The following RBFOX1 variants were observed in gnomAD, a reference collection of about 807,000 sequenced individuals.
The protein encoded by RBFOX1 is RNA binding protein fox-1 homolog 1.
Under a neutral mutation model 57.7 loss-of-function variants are expected in RBFOX1, and 8 were observed. That is an observed-to-expected ratio of 0.14 (90% CI 0.08 to 0.25). The LOEUF is 0.25. Ranked by LOEUF, RBFOX1 falls within the 10% of genes least tolerant of loss-of-function variation. The probability of loss-of-function intolerance (pLI) is 1.00; values close to 1 mark genes in which losing one functional copy is unlikely to be tolerated. For synonymous variants in RBFOX1, 326 were observed against 222.4 expected, an observed-to-expected ratio of 1.47 and a Z score of -4.15; for missense variants, 611 against 548.5, an observed-to-expected ratio of 1.11 and a Z score of -1.14.
chr16:7,437,532 TA>T (rs2098732837), intron 4 of RBFOX1, among the ~76,000 whole-genome samples: 1 of 152,186 alleles, frequency 6.6e-6, no homozygotes, highest in Admixed American at 6.5e-5. Context: ...ACCATTTCCA[TA>T]ATCAACATGG....
chr16:6,295,821 C>T (rs76677352), intron 1 of RBFOX1, among the ~76,000 whole-genome samples: 3,890 of 152,164 alleles, frequency 0.026, 174 homozygotes, highest in African/African-American at 0.088. Context: ...CAGAGAGCGC[C>T]GGGAGCGATT....
intron 4 of RBFOX1, among the ~76,000 whole-genome samples, chr16:5,908,860 G>A (rs955969310): frequency 1.3e-5 from 2 of 151,922 alleles, no homozygotes; most frequent in Middle Eastern, 3.2e-3. Flanking sequence ...TCATGAGTGG[G>A]ATTAGTGTCC....
chr16:6,828,290 C>G (rs557949622), intron 3 of RBFOX1, among the ~76,000 whole-genome samples: 14 of 152,158 alleles, frequency 9.2e-5, no homozygotes, highest in Non-Finnish European at 1.5e-4. Flanking sequence ...CTTTGGGAGG[C>G]TGATGTGGGT....
chr16:7,320,600 C>A (rs991591406), intron 4 of RBFOX1, among the ~76,000 whole-genome samples: 8 of 152,200 alleles, frequency 5.3e-5, no homozygotes, highest in African/African-American at 1.9e-4. Flanking sequence ...CTACCCAAAT[C>A]AAACTTGCTT....
intron 2 of RBFOX1, among the ~76,000 whole-genome samples, chr16:5,471,396 G>A (rs1489769970): frequency 1.3e-5 from 2 of 152,138 alleles, no homozygotes; most frequent in African/African-American, 2.4e-5. Context: ...ACTGGGTTGA[G>A]GTAGGAATCT....
rs74642958 is a variant in RBFOX1 at position 6,541,592 on chromosome 16, A to C, written c.-63-113011A>C. 2.2e-4 allele frequency among the ~76,000 whole-genome samples: 34 copies of C among 152,332 alleles called. 1 individual carries two copies. The East Asian group carries it at 6.6e-3, about 29-fold the overall frequency. Reference sequence around the variant, plus strand: ...AATGGAAAGTCACTGTAGAGTTTTAAATAGAGGAGGGATAGGATATGACTT... The same window carrying C: ...AATGGAAAGTCACTGTAGAGTTTTACATAGAGGAGGGATAGGATATGACTT... On this transcript the variant is annotated intron_variant, in intron 2 of 15. Coordinates refer to ENST00000550418, the MANE Select transcript of RBFOX1 (RefSeq NM_018723.4).
chr16:5,917,892 C>G (rs1338693506), intron 4 of RBFOX1, among the ~76,000 whole-genome samples: 2 of 152,152 alleles, frequency 1.3e-5, no homozygotes, highest in Admixed American at 6.5e-5. Context: ...CCTCCCCTTT[C>G]TCTTCCCGCT....
intron 2 of RBFOX1, among the ~76,000 whole-genome samples, chr16:6,615,592 C>G (rs1282143214): frequency 1.3e-5 from 2 of 152,154 alleles, no homozygotes; most frequent in Non-Finnish European, 2.9e-5. Flanking sequence ...AATCCTCTGT[C>G]CCAATAAATA....
At chr16:6,593,138 G>T (rs1448009427) in intron 2 of RBFOX1, among the ~76,000 whole-genome samples, 1 of 152,180 alleles carries the variant, frequency 6.6e-6, no homozygotes, top group Non-Finnish European at 1.5e-5. Flanking sequence ...GTTGCAGTGG[G>T]CTGAGATGGC....
chr16:7,609,472 C>T (rs1314938968), intron 10 of RBFOX1, among the ~76,000 whole-genome samples: 1 of 152,154 alleles, frequency 6.6e-6, no homozygotes, highest in Admixed American at 6.5e-5. Context: ...ATAAATTCAT[C>T]TGCATGACTT....
chr16:5,820,330 A>G (rs750645257), intron 3 of RBFOX1, among the ~76,000 whole-genome samples: 1 of 152,178 alleles, frequency 6.6e-6, no homozygotes, highest in African/African-American at 2.4e-5. Flanking sequence ...TGCTAAAGGA[A>G]TCTTACTGTC....
At chr16:5,524,543 G>A (rs1418898304) in intron 2 of RBFOX1, among the ~76,000 whole-genome samples, 1 of 113,670 alleles carries the variant, frequency 8.8e-6, no homozygotes, top group Non-Finnish European at 1.6e-5. Context: ...AGTAGTAGTT[G>A]CTTTTTTTTT....
intron 3 of RBFOX1, among the ~76,000 whole-genome samples, chr16:6,887,558 T>C (rs1035247145): frequency 3.5e-5 from 5 of 140,896 alleles, no homozygotes; most frequent in Admixed American, 7.9e-5. Context: ...AAAACACATA[T>C]ACTTTTTTTT....
At chr16:5,842,950 C>G (rs968531749) in intron 3 of RBFOX1, among the ~76,000 whole-genome samples, 3 of 152,110 alleles carry the variant, frequency 2.0e-5, no homozygotes, top group Non-Finnish European at 4.4e-5. Flanking sequence ...TCCTGAGTAG[C>G]TGGGATTACG....
At chr16:7,540,352 G>C (rs541181994) in intron 5 of RBFOX1, among the ~76,000 whole-genome samples, 205 of 152,330 alleles carry the variant, frequency 1.3e-3, no homozygotes, top group South Asian at 2.9e-3. Context: ...ATGTGGCTGA[G>C]AGAGTGGCTC....
chr16:7,093,361 C>T (rs1010330910), intron 4 of RBFOX1, among the ~76,000 whole-genome samples: 1 of 152,210 alleles, frequency 6.6e-6, no homozygotes, highest in Admixed American at 6.5e-5. Context: ...CCTGAATGTT[C>T]TCTGTTGTCT....
chr16:7,599,096 C>T (rs1287788510), intron 9 of RBFOX1, among the ~76,000 whole-genome samples: 1 of 152,134 alleles, frequency 6.6e-6, no homozygotes, highest in African/African-American at 2.4e-5. Flanking sequence ...CAAGACATGC[C>T]CTTAAATGGT....
intron 1 of RBFOX1, among the ~76,000 whole-genome samples, chr16:5,375,700 C>T (rs1324044854): frequency 1.3e-5 from 2 of 152,216 alleles, no homozygotes; most frequent in Non-Finnish European, 2.9e-5. Context: ...GCCAAATGTT[C>T]TCTGCAGAGA....
At chr16:6,869,126 A>T (rs551831557) in intron 3 of RBFOX1, among the ~76,000 whole-genome samples, 1 of 152,292 alleles carries the variant, frequency 6.6e-6, no homozygotes, top group Non-Finnish European at 1.5e-5. Context: ...TGTTGCCCAT[A>T]CTGGCTTATG....
Sources: gnomAD v4.1 joint callset for allele counts (sites outside exome capture counted in the v4.1 genomes callset) on GRCh38, gnomAD v4.1.1 for gene constraint, MANE v1.5 for transcripts, NCBI Gene and HGNC (gene_info 2026-07-23, HGNC 2026-07-21) for gene names.